NCKAP5: variants seen among roughly 807,000 people sequenced by gnomAD.
The protein encoded by NCKAP5 is nck-associated protein 5.
In NCKAP5, 92 loss-of-function variants were observed where a neutral mutation model predicts 167.0. The ratio of observed to expected loss-of-function variants is 0.55; its 90% CI spans 0.47 to 0.66. The LOEUF (loss-of-function observed/expected upper bound fraction) is 0.66. NCKAP5 is among the 30% of genes least tolerant of loss of function. The probability of loss-of-function intolerance (pLI) is 0.00; values close to 1 mark genes in which losing one functional copy is unlikely to be tolerated. For synonymous variants in NCKAP5, 891 were observed against 877.4 expected (o/e 1.02, Z -0.27); for missense variants, 2,378 against 2,315.0 (o/e 1.03, Z -0.56).
chr2:133,119,425 C>T (rs774978315), intron 6 of NCKAP5, among the ~76,000 whole-genome samples: 1 of 152,114 alleles, frequency 6.6e-6, no homozygotes, highest in East Asian at 1.9e-4. Context: ...CAGAGCATGT[C>T]AATCTATGAG....
At chr2:133,520,351 G>A (rs950852216) in intron 2 of NCKAP5, among the ~76,000 whole-genome samples, 18 of 152,252 alleles carry the variant, frequency 1.2e-4, no homozygotes, top group Non-Finnish European at 7.4e-5. Flanking sequence ...TAAACACAAA[G>A]GTTAATCTTA....
At chr2:132,962,937 G>A (rs2076560595) in intron 8 of NCKAP5, among the ~76,000 whole-genome samples, 1 of 152,052 alleles carries the variant, frequency 6.6e-6, no homozygotes, top group South Asian at 2.1e-4. Context: ...GGATTCTGTA[G>A]ACTCTATGGT....
At chr2:133,351,438 T>C (rs1337918705) in intron 3 of NCKAP5, among the ~76,000 whole-genome samples, 2 of 152,094 alleles carry the variant, frequency 1.3e-5, no homozygotes, top group Non-Finnish European at 2.9e-5. Context: ...GTAATGGTAA[T>C]AGTGTTAATA....
intron 3 of NCKAP5, among the ~76,000 whole-genome samples, chr2:133,378,334 A>G (rs1010978524): frequency 1.3e-5 from 2 of 152,198 alleles, no homozygotes; most frequent in African/African-American, 4.8e-5. Context: ...TAACTCTGAA[A>G]AAAACGTATA....
intron 19 of NCKAP5, among the ~76,000 whole-genome samples, chr2:132,718,450 C>G (rs1689584392): frequency 6.6e-6 from 1 of 152,138 alleles, no homozygotes; most frequent in Non-Finnish European, 1.5e-5. Context: ...GGGACAGAGA[C>G]TATGAGAATC....
chr2:133,192,202 A>G (rs575220259), intron 5 of NCKAP5, among the ~76,000 whole-genome samples: 1 of 152,112 alleles, frequency 6.6e-6, no homozygotes, highest in East Asian at 1.9e-4. Context: ...TGGGAAAAAC[A>G]GTCTTCAAAA....
chr2:133,155,465 C>G (rs2083539924), intron 5 of NCKAP5, among the ~76,000 whole-genome samples: 2 of 152,158 alleles, frequency 1.3e-5, no homozygotes, highest in African/African-American at 4.8e-5. Context: ...TGCCACAGCT[C>G]TTTCCCTGGA....
At chr2:133,136,346 T>C (rs1559178215) in intron 5 of NCKAP5, among the ~76,000 whole-genome samples, 1 of 152,136 alleles carries the variant, frequency 6.6e-6, no homozygotes, top group Non-Finnish European at 1.5e-5. Flanking sequence ...TTCAAAAATA[T>C]GAAAAAGAAA....
At chr2:133,644,666 G>A in the NCKAP5 span, among the ~76,000 whole-genome samples, 2 of 151,890 alleles carry the variant, frequency 1.3e-5, no homozygotes, top group Non-Finnish European at 2.9e-5. Context: ...TAATTTTTGG[G>A]TTATTTAAGT....
intron 5 of NCKAP5, among the ~76,000 whole-genome samples, chr2:133,165,094 G>A (rs6735052): frequency 1.3e-5 from 2 of 152,024 alleles, no homozygotes; most frequent in African/African-American, 4.8e-5. Context: ...GGGAGGAGGT[G>A]ACTGCCATCT....
chr2:132,677,274 T>C (rs74427158), intron 19 of NCKAP5, among the ~76,000 whole-genome samples: 3,446 of 152,216 alleles, frequency 0.023, 141 homozygotes, highest in African/African-American at 0.08. Flanking sequence ...TGCAAATACA[T>C]TTTCAAGCTT....
At chr2:133,229,439 A>G (rs1199295665) in intron 4 of NCKAP5, among the ~76,000 whole-genome samples, 1 of 152,230 alleles carries the variant, frequency 6.6e-6, no homozygotes. Context: ...CCGAAGGCAG[A>G]TGATAGCTCT....
intron 3 of NCKAP5, among the ~76,000 whole-genome samples, chr2:133,342,752 A>T (rs2150773941): frequency 6.6e-6 from 1 of 152,278 alleles, no homozygotes; most frequent in South Asian, 2.1e-4. Flanking sequence ...AGACAAAAGC[A>T]CCCAGAGGTC....
chr2:133,438,040 C>T (rs1461354476), intron 3 of NCKAP5, among the ~76,000 whole-genome samples: 1 of 152,208 alleles, frequency 6.6e-6, no homozygotes, highest in Non-Finnish European at 1.5e-5. Flanking sequence ...CAACCCAGTT[C>T]CCCCTTGGGA....
At chr2:133,465,459 C>T (rs992184123) in intron 3 of NCKAP5, among the ~76,000 whole-genome samples, 1 of 151,860 alleles carries the variant, frequency 6.6e-6, no homozygotes, top group Non-Finnish European at 1.5e-5. Flanking sequence ...AATAATGCCG[C>T]AATAAACACA....
intron 4 of NCKAP5, among the ~76,000 whole-genome samples, chr2:133,220,570 A>G (rs1396823962): frequency 6.6e-6 from 1 of 152,210 alleles, no homozygotes; most frequent in African/African-American, 2.4e-5. Flanking sequence ...TATATTCTTC[A>G]GAATACCACT....
chr2:132,753,141 T>A (rs1183102201), intron 16 of NCKAP5, among the ~76,000 whole-genome samples: 1 of 152,142 alleles, frequency 6.6e-6, no homozygotes, highest in Non-Finnish European at 1.5e-5. Flanking sequence ...AGTCAACATA[T>A]GAAATTAACC....
chr2:133,382,709 T>G (rs967906630), intron 3 of NCKAP5, among the ~76,000 whole-genome samples: 1 of 152,212 alleles, frequency 6.6e-6, no homozygotes, highest in African/African-American at 2.4e-5. Flanking sequence ...TACTCTCTCA[T>G]GAATAAGCAT....
intron 6 of NCKAP5, among the ~76,000 whole-genome samples, chr2:133,056,416 T>C (rs2079803601): frequency 6.6e-6 from 1 of 152,190 alleles, no homozygotes; most frequent in Admixed American, 6.5e-5. Context: ...TATTTAATAA[T>C]ATTTACTAAT....
Sources: gnomAD v4.1 joint callset for allele counts (sites outside exome capture counted in the v4.1 genomes callset) on GRCh38, gnomAD v4.1.1 for gene constraint, MANE v1.5 for transcripts, NCBI Gene and HGNC (gene_info 2026-07-23, HGNC 2026-07-21) for gene names.